CERKL: variants seen among roughly 807,000 people sequenced by gnomAD.
CERKL encodes the protein ceramide kinase-like protein.
In CERKL, 61 loss-of-function variants were observed where a neutral mutation model predicts 63.4. The ratio of observed to expected loss-of-function variants is 0.96; its 90% CI spans 0.78 to 1.19. CERKL has a LOEUF of 1.19. Ranked by LOEUF, CERKL falls within the 50% of genes most tolerant of loss-of-function variation. CERKL has a pLI of 0.00. For synonymous variants in CERKL, 250 were observed against 230.5 expected (o/e 1.08, Z -0.77); for missense variants, 675 against 655.5 (o/e 1.03, Z -0.33).
In CERKL at chr2:181,548,590, TCA is replaced by T. The variant is rs776727320; in HGVS notation, c.1086_1087del (p.Cys362Ter). The T allele has an allele frequency of 3.1e-6, 5 of 1,613,078 alleles. No homozygotes were observed. Among genetic ancestry groups the T allele is most frequent in the South Asian group, 1.1e-5 (1 of 91,060 alleles). On this transcript the variant is annotated stop_gained and frameshift_variant, in exon 8 of 13. Transcript: ENST00000410087. LOFTEE classifies it high-confidence loss of function. ...GCTGTTAAATGGTAAAAATGATATTTCACAGTCTTCTGCCCTAAAATGTAATG... is the reference window on the plus strand; with the variant it reads ...GCTGTTAAATGGTAAAAATGATATTTCAGTCTTCTGCCCTAAAATGTAATG...
intron 2 of CERKL, among the ~76,000 whole-genome samples, chr2:181,601,422 G>C (rs527962765): frequency 6.6e-6 from 1 of 152,076 alleles, no homozygotes; most frequent in Non-Finnish European, 1.5e-5. Flanking sequence ...TTAGCCAGGC[G>C]TAGTGGCGGG....
chr2:181,633,382 T>C (rs1687049683), intron 1 of CERKL, among the ~76,000 whole-genome samples: 1 of 152,144 alleles, frequency 6.6e-6, no homozygotes, highest in Non-Finnish European at 1.5e-5. Flanking sequence ...AGCAGATGAG[T>C]AGAAAATAAA....
intron 1 of CERKL, among the ~76,000 whole-genome samples, chr2:181,627,861 T>A (rs143611207): frequency 3.8e-3 from 578 of 152,340 alleles, no homozygotes; most frequent in Non-Finnish European, 6.0e-3. Context: ...TTAGTCACCA[T>A]CTTTTCTTAA....
At position 181,652,779 on chromosome 2, in the gene CERKL, C is replaced by CT. The variant is rs35879462; in HGVS notation, c.238+3989dup. On this transcript the variant is annotated intron_variant, in intron 1 of 12. Coordinates refer to ENST00000410087, the MANE Select transcript of CERKL (RefSeq NM_201548.5). ...AATTCAACAGATAAAATAATAATGA[C>CT]TTTTTTTTTTTTTTGAGATGAAGTC... Among the ~76,000 whole-genome samples the CT allele has an allele frequency of 2.7e-3, 390 of 142,592 alleles. 3 individuals are homozygous for CT. The highest frequency in any genetic ancestry group is 9.2e-3 in the African/African-American group (364 of 39,534). The allele number at this position is 142,592 out of a possible 152,430, so 93.5% of individuals were successfully genotyped here.
chr2:181,654,134 T>C (rs1368332258), intron 1 of CERKL, among the ~76,000 whole-genome samples: 1 of 151,646 alleles, frequency 6.6e-6, no homozygotes, highest in Non-Finnish European at 1.5e-5. Flanking sequence ...TAACTTTATA[T>C]CACACATTTA....
chr2:181,596,678 C>A (rs1685223517), intron 2 of CERKL, among the ~76,000 whole-genome samples: 2 of 151,828 alleles, frequency 1.3e-5, no homozygotes, highest in South Asian at 2.1e-4. Context: ...ATAATTAATC[C>A]CTGGAAAGGT....
At chr2:181,639,362 A>G (rs1320149112) in intron 1 of CERKL, among the ~76,000 whole-genome samples, 1 of 152,166 alleles carries the variant, frequency 6.6e-6, no homozygotes, top group African/African-American at 2.4e-5. Context: ...CACCCCTCTT[A>G]GGGTTGAACA....
In CERKL at chr2:181,574,716, C is replaced by T. The variant is rs199817280; in HGVS notation, c.482-832G>A. 2.0e-5 allele frequency among the ~76,000 whole-genome samples: 3 copies of T among 152,148 alleles called. No homozygotes were observed. The East Asian group carries it at 5.8e-4, about 29-fold the overall frequency. On this transcript the variant is annotated intron_variant, in intron 2 of 12. Transcript: ENST00000410087. Reference sequence around the variant, plus strand: ...TTTACGGTAAGCTGCTCTCAGAGGGCCACGTTTAAAGATTAAACAAGCAGT... The same window carrying T: ...TTTACGGTAAGCTGCTCTCAGAGGGTCACGTTTAAAGATTAAACAAGCAGT...
intron 1 of CERKL, among the ~76,000 whole-genome samples, chr2:181,634,161 T>C (rs902612538): frequency 3.3e-5 from 5 of 152,172 alleles, no homozygotes; most frequent in African/African-American, 1.2e-4. Context: ...ATTTTGTTAA[T>C]ATCAATAGCA....
rs772014162 is a variant in CERKL at position 181,539,211 on chromosome 2, T to C, written c.1419A>G (p.Pro473=). 2.5e-6 allele frequency: 4 copies of C among 1,605,450 alleles called. No homozygotes were observed. Among genetic ancestry groups the C allele is most frequent in the Admixed American group, 1.7e-5 (1 of 59,980 alleles). Residue 473 remains proline (P), a synonymous_variant, in exon 12 of 13, where the codon CCA becomes CCG. Coordinates refer to ENST00000410087, the MANE Select transcript of CERKL (RefSeq NM_201548.5). ...GATTATATCCACCAGTATTATTCCT[T>C]GGATGAACTTTTACTTCCTCAACAG... ...TYTVEEVKVH[P]RNNTGGYNPE...
chr2:181,627,374 T>C (rs1473031729), intron 1 of CERKL, among the ~76,000 whole-genome samples: 1 of 152,068 alleles, frequency 6.6e-6, no homozygotes, highest in Non-Finnish European at 1.5e-5. Flanking sequence ...AATTGAGAGA[T>C]ACAGAAAAGA....
chr2:181,567,765 A>G (rs1688726280), intron 3 of CERKL, among the ~76,000 whole-genome samples: 1 of 152,186 alleles, frequency 6.6e-6, no homozygotes, highest in Admixed American at 6.5e-5. Context: ...AGGTGGTTAT[A>G]CAAAACAATG....
chr2:181,645,702 G>C (rs1687641344), intron 1 of CERKL, among the ~76,000 whole-genome samples: 1 of 152,176 alleles, frequency 6.6e-6, no homozygotes, highest in Non-Finnish European at 1.5e-5. Context: ...GCCCTTTTGG[G>C]CTTAAAAATG....
intron 1 of CERKL, among the ~76,000 whole-genome samples, chr2:181,637,013 C>A (rs1687208022): frequency 6.6e-6 from 1 of 152,122 alleles, no homozygotes; most frequent in Non-Finnish European, 1.5e-5. Flanking sequence ...ATAATTGGTG[C>A]TCCCTAAATG....
At position 181,597,815 on chromosome 2, in the gene CERKL, G is replaced by T. The variant is rs545224892; in HGVS notation, c.481+6022C>A. On this transcript the variant is annotated intron_variant, in intron 2 of 12. Coordinates refer to ENST00000410087, the MANE Select transcript of CERKL (RefSeq NM_201548.5). ...GCAAACATACCTCATAACCTGTTCTGACTTTGAAAAGCCCAGGGGGCCAGC... is the reference window on the plus strand; with the variant it reads ...GCAAACATACCTCATAACCTGTTCTTACTTTGAAAAGCCCAGGGGGCCAGC... Among the ~76,000 whole-genome samples the T allele has an allele frequency of 3.9e-5, 6 of 152,242 alleles. No individual in the cohort carries two copies. The East Asian group carries it at 1.2e-3, about 29-fold the overall frequency.
intron 1 of CERKL, among the ~76,000 whole-genome samples, chr2:181,627,379 A>G (rs1180010272): frequency 6.6e-6 from 1 of 152,234 alleles, no homozygotes; most frequent in Non-Finnish European, 1.5e-5. Flanking sequence ...AGAGATACAG[A>G]AAAGAATGAA....
intron 2 of CERKL, among the ~76,000 whole-genome samples, chr2:181,597,666 G>C (rs1049425164): frequency 7.9e-5 from 12 of 152,158 alleles, no homozygotes; most frequent in African/African-American, 2.9e-4. Context: ...TCCTGCAGGG[G>C]TTCCCATACT....
intron 1 of CERKL, among the ~76,000 whole-genome samples, chr2:181,613,609 TAAAAAG>T (rs1280371986): frequency 4.6e-5 from 7 of 152,156 alleles, no homozygotes; most frequent in Non-Finnish European, 7.4e-5. Context: ...TAGAAGAAAT[TAAAAAG>T]AAAAACTATA....
intron 1 of CERKL, among the ~76,000 whole-genome samples, chr2:181,634,791 T>C (rs565014800): frequency 6.6e-6 from 1 of 152,278 alleles, no homozygotes; most frequent in African/African-American, 2.4e-5. Flanking sequence ...TGATGTCCTA[T>C]ACCCGCTAGT....
Sources: allele counts gnomAD v4.1 joint callset (sites outside exome capture counted in the v4.1 genomes callset), GRCh38; gene constraint gnomAD v4.1.1; transcripts MANE v1.5; gene names NCBI Gene and HGNC (gene_info 2026-07-23, HGNC 2026-07-21).